PRKCE: variants seen among roughly 807,000 people sequenced by gnomAD.
The protein encoded by PRKCE is protein kinase C epsilon.
In PRKCE, 16 loss-of-function variants were observed where a neutral mutation model predicts 85.4. The ratio of observed to expected loss-of-function variants is 0.19; its 90% confidence interval spans 0.13 to 0.28. PRKCE has a LOEUF of 0.28. Ranked by LOEUF, PRKCE falls within the 10% of genes least tolerant of loss-of-function variation. The pLI, the probability that PRKCE is intolerant of heterozygous loss-of-function variation, is 1.00. For missense variants in PRKCE, 573 were observed against 975.2 expected, an observed-to-expected ratio of 0.59 and a Z score of 5.49; for synonymous variants, 388 against 371.5, an observed-to-expected ratio of 1.04 and a Z score of -0.51.
intron 2 of PRKCE, among the ~76,000 whole-genome samples, chr2:45,940,994 A>T (rs978685941): frequency 1.4e-4 from 20 of 138,436 alleles, no homozygotes; most frequent in Non-Finnish European, 2.9e-4. Flanking sequence ...TGAGCCTGGG[A>T]GGTGGAGATT....
chr2:45,888,734 G>C (rs1204574499), intron 2 of PRKCE, among the ~76,000 whole-genome samples: 1 of 152,140 alleles, frequency 6.6e-6, no homozygotes, highest in East Asian at 1.9e-4. Flanking sequence ...TCATAAGTGT[G>C]AGCCATCGCA....
chr2:45,752,068 C>T (rs1323247385), intron 1 of PRKCE, among the ~76,000 whole-genome samples: 2 of 151,408 alleles, frequency 1.3e-5, no homozygotes, highest in Non-Finnish European at 2.9e-5. Flanking sequence ...CCGCCCGCCT[C>T]GGCCTTCCAA....
intron 10 of PRKCE, among the ~76,000 whole-genome samples, chr2:46,072,578 T>C (rs576730648): frequency 6.6e-5 from 10 of 152,366 alleles, no homozygotes; most frequent in African/African-American, 2.4e-4. Flanking sequence ...AGGTCCTCAA[T>C]TTGATTTCAT....
At chr2:45,761,598 T>C (rs987737204) in intron 1 of PRKCE, among the ~76,000 whole-genome samples, 1 of 152,134 alleles carries the variant, frequency 6.6e-6, no homozygotes, top group Non-Finnish European at 1.5e-5. Flanking sequence ...TGGCCTCACT[T>C]TTGGGTCTAG....
intron 2 of PRKCE, among the ~76,000 whole-genome samples, chr2:45,873,005 C>G: frequency 6.6e-6 from 1 of 152,186 alleles, no homozygotes; most frequent in South Asian, 2.1e-4. Flanking sequence ...GGAAAGTCAA[C>G]CACATGGAAA....
chr2:46,063,238 A>C (rs1375353071), intron 10 of PRKCE, among the ~76,000 whole-genome samples: 2 of 152,060 alleles, frequency 1.3e-5, no homozygotes, highest in Admixed American at 1.3e-4. Flanking sequence ...AGGACCTAAA[A>C]TGCTTTAGGC....
chr2:45,956,357 T>A (rs941916441), intron 2 of PRKCE, among the ~76,000 whole-genome samples: 44 of 152,136 alleles, frequency 2.9e-4, no homozygotes, highest in African/African-American at 9.9e-4. Context: ...ATTGCTTGAT[T>A]ATGTATGGTA....
chr2:45,716,685 A>AGGAAGGAAGGAAG (rs1553387036), intron 1 of PRKCE, among the ~76,000 whole-genome samples: 1 of 74,912 alleles, frequency 1.3e-5, no homozygotes, highest in South Asian at 4.6e-4. Context: ...AAGAAGAAGA[A>AGGAAGGAAGGAAG]GAAGAGAAGG....
chr2:46,095,207 G>C (rs1043053507), intron 11 of PRKCE, among the ~76,000 whole-genome samples: 4 of 152,234 alleles, frequency 2.6e-5, no homozygotes, highest in African/African-American at 9.6e-5. Context: ...GGGAACCTCA[G>C]ACTATCACTA....
intron 1 of PRKCE, among the ~76,000 whole-genome samples, chr2:45,836,288 T>G (rs1270965193): frequency 6.6e-6 from 1 of 152,238 alleles, no homozygotes; most frequent in Non-Finnish European, 1.5e-5. Context: ...TTTATGAAAG[T>G]AAGTGCTATT....
chr2:45,819,891 G>A lies in PRKCE; in HGVS notation c.349-23109G>A, dbSNP rs77737005. Among the ~76,000 whole-genome samples the A allele has an allele frequency of 1.4e-4, 21 of 152,262 alleles. 1 individual carries two copies. Among genetic ancestry groups the A allele is most frequent in the Admixed American group, 5.2e-4 (8 of 15,308 alleles). On this transcript the variant is annotated intron_variant, in intron 1 of 14. Transcript: ENST00000306156. ...GAAGCAACAATACAGGGAAACAATC[G>A]CATCAAGCTGGTTTGGGGCTGTGTC...
chr2:45,854,190 G>A, intron 2 of PRKCE, among the ~76,000 whole-genome samples: 1 of 152,176 alleles, frequency 6.6e-6, no homozygotes, highest in Non-Finnish European at 1.5e-5. Flanking sequence ...GTGCAGTGTG[G>A]CTCCCTGTTG....
intron 2 of PRKCE, 145 bp from the exon 3 acceptor site, chr2:45,976,284 C>T (rs1702448345): frequency 3.3e-6 from 3 of 896,260 alleles, no homozygotes; most frequent in Middle Eastern, 3.5e-4. Context: ...CTCCTCAGAC[C>T]CCCGAGTCCC....
chr2:45,948,149 T>C (rs1252496489), intron 2 of PRKCE, among the ~76,000 whole-genome samples: 1 of 152,234 alleles, frequency 6.6e-6, no homozygotes, highest in African/African-American at 2.4e-5. Flanking sequence ...AGTGTTCATG[T>C]TACATCTTCA....
At chr2:45,820,203 CT>C (rs1479498886) in intron 1 of PRKCE, among the ~76,000 whole-genome samples, 1 of 152,116 alleles carries the variant, frequency 6.6e-6, no homozygotes, top group Non-Finnish European at 1.5e-5. Flanking sequence ...TATTAAGCAC[CT>C]TTTAAGTGCC....
intron 1 of PRKCE, among the ~76,000 whole-genome samples, chr2:45,741,591 G>A (rs940688287): frequency 3.8e-4 from 58 of 152,344 alleles, no homozygotes; most frequent in African/African-American, 1.2e-3. Flanking sequence ...AATCAGATTG[G>A]AGCCTTTGCC....
chr2:45,976,687 G>A, intron 3 of PRKCE, 99 bp downstream of exon 3: 1 of 1,382,998 alleles, frequency 7.2e-7, no homozygotes, highest in South Asian at 1.3e-5. Flanking sequence ...AAGAATGCTG[G>A]TGTGCCTCGT....
chr2:45,742,956 C>G (rs1470890005), intron 1 of PRKCE, among the ~76,000 whole-genome samples: 1 of 152,188 alleles, frequency 6.6e-6, no homozygotes, highest in Non-Finnish European at 1.5e-5. Flanking sequence ...AGAAGCAAAT[C>G]CTGCCATTTG....
chr2:45,785,310 G>A (rs1686509811), intron 1 of PRKCE, among the ~76,000 whole-genome samples: 1 of 152,068 alleles, frequency 6.6e-6, no homozygotes, highest in Non-Finnish European at 1.5e-5. Flanking sequence ...GGCCAACATG[G>A]CGAAACCCTG....
Sources: allele counts gnomAD v4.1 joint callset (sites outside exome capture counted in the v4.1 genomes callset), GRCh38; gene constraint gnomAD v4.1.1; transcripts MANE v1.5; gene names NCBI Gene and HGNC (gene_info 2026-07-23, HGNC 2026-07-21).